Variants in PLEKHA1 observed in about 807,000 individuals in gnomAD.
PLEKHA1 encodes pleckstrin homology domain-containing family A member 1.
PLEKHA1 carries 34 observed loss-of-function variants against 52.0 expected under a neutral mutation model. The ratio of observed to expected loss-of-function variants is 0.65; its 90% CI spans 0.50 to 0.87. PLEKHA1 has a LOEUF of 0.87. Among genes scored for constraint, PLEKHA1 ranks in the 40% least tolerant of loss-of-function variants. The pLI, the probability that PLEKHA1 is intolerant of heterozygous loss-of-function variation, is 0.00. For missense variants in PLEKHA1, 497 were observed against 504.2 expected (o/e 0.99, Z 0.14); for synonymous variants, 163 against 170.7 (o/e 0.95, Z 0.35).
intron 7 of PLEKHA1, among the ~76,000 whole-genome samples, chr10:122,417,661 A>AC (rs2097198467): frequency 6.6e-6 from 1 of 151,704 alleles, no homozygotes; most frequent in Non-Finnish European, 1.5e-5. Flanking sequence ...AAAAAAAAAA[A>AC]AACACATAAA....
At chr10:122,442,167 C>A in the PLEKHA1 span, 1 of 152,248 alleles carries the variant, frequency 6.6e-6, no homozygotes, top group Non-Finnish European at 1.5e-5. Flanking sequence ...TGACACGGAG[C>A]CTCCCTGGCT....
At chr10:122,401,108 A>G (rs145751122) in intron 4 of PLEKHA1, among the ~76,000 whole-genome samples, 65 of 152,300 alleles carry the variant, frequency 4.3e-4, no homozygotes, top group African/African-American at 1.4e-3. Context: ...GAGAAAAGGC[A>G]GGAGGACTAC....
chr10:122,404,672 G>C (rs908862393), intron 4 of PLEKHA1, among the ~76,000 whole-genome samples: 1 of 152,210 alleles, frequency 6.6e-6, no homozygotes, highest in African/African-American at 2.4e-5. Context: ...ATTTATGGCA[G>C]TTATAACTTT....
At chr10:122,406,740 AC>A in intron 5 of PLEKHA1, 67 bp downstream of exon 5, 1 of 1,194,250 alleles carries the variant, frequency 8.4e-7, no homozygotes, top group Non-Finnish European at 1.2e-6. Context: ...TTGAAAATAC[AC>A]CTACCAAATG....
chr10:122,386,844 C>G (rs760696903), intron 1 of PLEKHA1: 7 of 152,084 alleles, frequency 4.6e-5, no homozygotes, highest in Admixed American at 1.3e-4. Context: ...TAGGCTTTGA[C>G]TTTTCTTTTT....
the PLEKHA1 span, chr10:122,441,614 C>CCG: frequency 6.6e-6 from 1 of 152,194 alleles, no homozygotes; most frequent in African/African-American, 2.4e-5. Flanking sequence ...TAAATCACTG[C>CCG]CTGTGTTCTG....
intron 11 of PLEKHA1, chr10:122,428,182 GACT>G (rs1325802672): frequency 8.5e-7 from 1 of 1,176,808 alleles, no homozygotes; most frequent in Non-Finnish European, 1.1e-6. Flanking sequence ...GGGCAGATTG[GACT>G]ATCTAGCTAT....
At chr10:122,385,904 T>C (rs1307128896) in intron 1 of PLEKHA1, among the ~76,000 whole-genome samples, 1 of 152,222 alleles carries the variant, frequency 6.6e-6, no homozygotes, top group East Asian at 1.9e-4. Context: ...ATTTGGGTTG[T>C]TCGTGTTTTT....
In PLEKHA1 at chr10:122,386,304, C is replaced by T. The variant is rs988382843; in HGVS notation, c.-20-6877C>T. On this transcript the variant is annotated intron_variant, in intron 1 of 11. Transcript: ENST00000368990. ...TATGTTCTTAGTCAGCTTGTGTGTT[C>T]CAAGTTTTTTTTTTTTACCATTTTC... is the stretch of plus-strand genomic sequence containing the variant. Among the ~76,000 whole-genome samples, 14 of 18,092 alleles carry T rather than the reference C, an allele frequency of 7.7e-4. No homozygotes were observed. In the Admixed American group the frequency reaches 0.012, roughly 15 times the overall value. 11.9% of individuals were successfully genotyped at this position (18,092 alleles called of 152,430 possible).
chr10:122,377,687 C>T (rs929552038), intron 1 of PLEKHA1, among the ~76,000 whole-genome samples: 2 of 152,194 alleles, frequency 1.3e-5, no homozygotes, highest in Non-Finnish European at 2.9e-5. Flanking sequence ...AACTCTCTTA[C>T]ACTTACTGAG....
intron 8 of PLEKHA1, chr10:122,422,615 G>A (rs1565311036): frequency 6.6e-6 from 1 of 152,214 alleles, no homozygotes; most frequent in Non-Finnish European, 1.5e-5. Flanking sequence ...TCTGAAAAAC[G>A]AATGAAGAAC....
chr10:122,436,415 T>C (rs1397129036), downstream of PLEKHA1: 1 of 152,216 alleles, frequency 6.6e-6, no homozygotes, highest in African/African-American at 2.4e-5. Flanking sequence ...CCAGAATAAA[T>C]AGTAAGTAAC....
At chr10:122,412,854 T>G in intron 5 of PLEKHA1, 66 bp from the exon 6 acceptor site, 1 of 1,545,746 alleles carries the variant, frequency 6.5e-7, no homozygotes, top group Non-Finnish European at 8.9e-7. Context: ...TTAGAAATTC[T>G]GCGAGAAAAC....
chr10:122,412,216 G>A (rs2097115129), intron 5 of PLEKHA1: 1 of 152,150 alleles, frequency 6.6e-6, no homozygotes, highest in Non-Finnish European at 1.5e-5. Flanking sequence ...TCCTGTACTT[G>A]TGAACGATTT....
At chr10:122,417,449 G>A (rs2097194134) in intron 7 of PLEKHA1, among the ~76,000 whole-genome samples, 1 of 152,006 alleles carries the variant, frequency 6.6e-6, no homozygotes, top group African/African-American at 2.4e-5. Flanking sequence ...AGGAGTTTGA[G>A]ACCAGCCTGA....
chr10:122,398,509 A>G (rs1462992786), intron 3 of PLEKHA1, among the ~76,000 whole-genome samples: 1 of 151,038 alleles, frequency 6.6e-6, no homozygotes, highest in Non-Finnish European at 1.5e-5. Context: ...TTTTGATTTT[A>G]TGTTTGTCAG....
intron 8 of PLEKHA1, chr10:122,422,459 C>T (rs543285911): frequency 6.6e-6 from 1 of 152,288 alleles, no homozygotes; most frequent in South Asian, 2.1e-4. Flanking sequence ...CGGGTGTGTA[C>T]CTCCTAATAG....
intron 8 of PLEKHA1, 72 bp from the exon 9 acceptor site, chr10:122,424,127 C>CAGCTAA (rs2097301870): frequency 2.7e-6 from 4 of 1,482,678 alleles, no homozygotes; most frequent in African/African-American, 1.5e-5. Context: ...TCAAATAAGA[C>CAGCTAA]AGCTAACCTT....
intron 5 of PLEKHA1, chr10:122,411,980 A>C (rs1401432042): frequency 6.6e-6 from 1 of 152,242 alleles, no homozygotes; most frequent in Non-Finnish European, 1.5e-5. Flanking sequence ...TGCTGAGCAG[A>C]TTTTATTACA....
Sources: allele counts gnomAD v4.1 joint callset (sites outside exome capture counted in the v4.1 genomes callset), GRCh38; gene constraint gnomAD v4.1.1; transcripts MANE v1.5; gene names NCBI Gene and HGNC (gene_info 2026-07-23, HGNC 2026-07-21).